SOBP: variants seen among roughly 807,000 people sequenced by gnomAD.
The protein encoded by SOBP is sine oculis-binding protein homolog.
SOBP carries 4 observed loss-of-function variants against 53.6 expected under a neutral mutation model. The observed-to-expected ratio is 0.07, with a 90% CI of 0.04 to 0.17. The LOEUF (loss-of-function observed/expected upper bound fraction) is 0.17, where lower values mean the gene tolerates loss of function less well. Ranked by LOEUF, SOBP falls within the 10% of genes least tolerant of loss-of-function variation. The pLI, the probability that SOBP is intolerant of heterozygous loss-of-function variation, is 1.00. For synonymous variants in SOBP, 584 were observed against 522.6 expected (o/e 1.12, Z -1.60); for missense variants, 1,088 against 1,204.7 (o/e 0.90, Z 1.43).
chr6:107,597,520 TAAAC>T (rs1785990151), intron 5 of SOBP, among the ~76,000 whole-genome samples: 1 of 152,128 alleles, frequency 6.6e-6, no homozygotes, highest in Non-Finnish European at 1.5e-5. Flanking sequence ...AAAAGGAAAA[TAAAC>T]AAGCATTACT....
In SOBP at chr6:107,634,965, C is replaced by G. The variant is rs1770949527; in HGVS notation, c.2121C>G (p.Gly707=). The change falls in exon 6 of 7, where the codon GGC becomes GGG. Residue 707 remains glycine, a synonymous_variant. Coordinates refer to ENST00000317357, the MANE Select transcript of SOBP (RefSeq NM_018013.4). This position sits in a 1 kb window ranked among gnomAD's most constrained non-coding sequence, Gnocchi z 4.5. The part of the protein sequence containing the change: ...HCSPPAAGDP[G]PGAPAGPEAA... ...GCCCGCCCGCCGCCGGCGACCCAGG[C>G]CCGGGCGCCCCGGCGGGCCCCGAGG... 9.8e-7 allele frequency: 1 copy of G among 1,015,656 alleles called. No individual in the cohort carries two copies. The allele number at this position is 1,015,656 out of a possible 1,614,324, so 62.9% of individuals were successfully genotyped here. A position where few individuals can be genotyped will look rare whatever the true frequency, so the allele number is the denominator to read the frequency against.
In SOBP at chr6:107,633,690, C is replaced by T; in HGVS notation, c.846C>T (p.Pro282=). ...PAGLCSTLHP[P]MENKAEGTGV... Reference sequence around the variant, plus strand: ...GGCTGTGCAGCACATTACACCCTCCCATGGAAAATAAAGCAGAAGGCACCG... The same window carrying T: ...GGCTGTGCAGCACATTACACCCTCCTATGGAAAATAAAGCAGAAGGCACCG... Residue 282 remains proline (P), a synonymous_variant, in exon 6 of 7, where the codon CCC becomes CCT. Coordinates refer to ENST00000317357, the MANE Select transcript of SOBP (RefSeq NM_018013.4). 1 of 1,614,246 alleles carries T rather than the reference C, an allele frequency of 6.2e-7. No individual in the cohort carries two copies. Among genetic ancestry groups the T allele is most frequent in the Non-Finnish European group, 8.5e-7 (1 of 1,180,052 alleles).
At chr6:107,490,742 C>G (rs762751918) in intron 1 of SOBP, 30 bp downstream of exon 1, 124 of 1,518,600 alleles carry the variant, frequency 8.2e-5, no homozygotes, top group Admixed American at 3.0e-4. Context: ...GCCAGGGAGA[C>G]TGAGCTCTTT....
At chr6:107,522,823 C>G (rs1357344849) in intron 3 of SOBP, among the ~76,000 whole-genome samples, 2 of 152,098 alleles carry the variant, frequency 1.3e-5, no homozygotes, top group Non-Finnish European at 2.9e-5. Context: ...GGATTACAAG[C>G]ATGAGCCACC....
rs772325609 is a variant in SOBP at position 107,634,450 on chromosome 6, C to T, written c.1606C>T (p.Pro536Ser). The change falls in exon 6 of 7, where the codon CCC (proline) becomes TCC (serine). Residue 536 changes from proline to serine, a missense_variant. By Grantham distance (74) the Pro-to-Ser change is moderately conservative (BLOSUM62 -1). Around this residue, in one of 6 missense-constraint regions of SOBP, gnomAD observed 665 missense variants for 629.7 expected, o/e 1.06. Coordinates refer to ENST00000317357, the MANE Select transcript of SOBP (RefSeq NM_018013.4). The surrounding 1 kb of genome is among the most constrained non-coding windows in gnomAD (Gnocchi z 4.5). ...PYPVIVPLPVPIPIPIPIPHV... is the reference protein window; with the variant it reads ...PYPVIVPLPVSIPIPIPIPHV... ...CCCCGTGATCGTGCCCCTACCGGTGCCCATCCCCATCCCCATCCCTATCCC... is the reference window on the plus strand; with the variant it reads ...CCCCGTGATCGTGCCCCTACCGGTGTCCATCCCCATCCCCATCCCTATCCC... 1.2e-6 allele frequency: 2 copies of T among 1,609,538 alleles called. No individual in the cohort carries two copies. The highest frequency in any genetic ancestry group is 1.3e-5 in the African/African-American group (1 of 75,008).
rs140986619 is a variant in SOBP at position 107,655,136 on chromosome 6, G to A, written c.*4-3071G>A. Among the ~76,000 whole-genome samples, 283 of 152,014 alleles carry A rather than the reference G, an allele frequency of 1.9e-3. 1 individual carries two copies. Among genetic ancestry groups the A allele is most frequent in the African/African-American group, 6.4e-3 (265 of 41,448 alleles). The stretch of plus-strand genomic sequence containing the variant: ...TTTAGACATGGAGGACAGTTTTTTC[G>A]TAAGATTCTTCTGCTTGGCAAGGAC... On this transcript the variant is annotated intron_variant, in intron 6 of 6. Coordinates refer to ENST00000317357, the MANE Select transcript of SOBP (RefSeq NM_018013.4).
At chr6:107,654,303 A>C (rs1771924931) in intron 6 of SOBP, among the ~76,000 whole-genome samples, 1 of 152,210 alleles carries the variant, frequency 6.6e-6, no homozygotes, top group South Asian at 2.1e-4. Flanking sequence ...TGTGTGTCTG[A>C]TGCTTCATGT....
intron 3 of SOBP, among the ~76,000 whole-genome samples, chr6:107,526,940 A>G (rs1163047563): frequency 1.3e-5 from 2 of 152,208 alleles, no homozygotes; most frequent in East Asian, 1.9e-4. Flanking sequence ...AATAACTTCA[A>G]ATCTATTTAT....
intron 4 of SOBP, among the ~76,000 whole-genome samples, chr6:107,536,138 G>T (rs972155293): frequency 5.3e-5 from 8 of 151,996 alleles, no homozygotes; most frequent in African/African-American, 1.9e-4. Flanking sequence ...GTATAGTGTA[G>T]ACTTAAAAAA....
intron 3 of SOBP, among the ~76,000 whole-genome samples, chr6:107,512,562 G>A (rs1209324379): frequency 2.0e-5 from 3 of 152,232 alleles, no homozygotes; most frequent in Non-Finnish European, 4.4e-5. Flanking sequence ...GCCCTTGGCT[G>A]CATTGACTGG....
At chr6:107,535,544 C>T (rs1423211893) in intron 4 of SOBP, among the ~76,000 whole-genome samples, 3 of 151,974 alleles carry the variant, frequency 2.0e-5, no homozygotes, top group East Asian at 1.9e-4. Context: ...AGTGTACAAA[C>T]AATTCCTCCC....
chr6:107,568,115 A>T (rs1784969501), intron 4 of SOBP, among the ~76,000 whole-genome samples: 1 of 152,224 alleles, frequency 6.6e-6, no homozygotes, highest in African/African-American at 2.4e-5. Context: ...AGTAACAATG[A>T]TCACACACTA....
At chr6:107,517,014 T>A (rs1783340874) in intron 3 of SOBP, among the ~76,000 whole-genome samples, 1 of 151,974 alleles carries the variant, frequency 6.6e-6, no homozygotes, top group Non-Finnish European at 1.5e-5. Flanking sequence ...TAAAAAGTTG[T>A]TTTTTAAAAT....
intron 4 of SOBP, among the ~76,000 whole-genome samples, chr6:107,568,932 A>G (rs1175392345): frequency 2.6e-5 from 4 of 152,094 alleles, no homozygotes; most frequent in African/African-American, 9.7e-5. Context: ...TTATTAACGT[A>G]TATAAGGCTA....
chr6:107,510,401 C>G (rs565761924), intron 3 of SOBP: 2 of 152,224 alleles, frequency 1.3e-5, no homozygotes, highest in African/African-American at 4.8e-5. Context: ...ACAGCAAGGG[C>G]AGGAAAATAG....
intron 4 of SOBP, among the ~76,000 whole-genome samples, chr6:107,558,625 A>G (rs746020687): frequency 9.9e-5 from 15 of 152,014 alleles, no homozygotes; most frequent in Non-Finnish European, 2.1e-4. Flanking sequence ...CTCCTCTGTC[A>G]TAAATCCTCT....
intron 5 of SOBP, among the ~76,000 whole-genome samples, chr6:107,587,392 T>C (rs1292307749): frequency 6.6e-6 from 1 of 152,232 alleles, no homozygotes; most frequent in Admixed American, 6.5e-5. Flanking sequence ...AATGGCCCTG[T>C]CTTTATTAGC....
intron 4 of SOBP, among the ~76,000 whole-genome samples, chr6:107,573,403 A>G (rs1003847051): frequency 2.6e-5 from 4 of 152,076 alleles, no homozygotes; most frequent in Admixed American, 2.6e-4. Flanking sequence ...AATTTAAGTA[A>G]CTGTCATATA....
At chr6:107,565,730 GAAAAATCAAAATGA>G (rs1784898297) in intron 4 of SOBP, among the ~76,000 whole-genome samples, 1 of 152,220 alleles carries the variant, frequency 6.6e-6, no homozygotes, top group Admixed American at 6.5e-5. Flanking sequence ...CAGAAGGACT[GAAAAATCAAAATGA>G]ACCTAAAAGT....
Sources: allele counts gnomAD v4.1 joint callset (sites outside exome capture counted in the v4.1 genomes callset), GRCh38; gene constraint gnomAD v4.1.1; regional missense constraint gnomAD v4.1.1; non-coding constraint Gnocchi (gnomAD v3.1); transcripts MANE v1.5; gene names NCBI Gene and HGNC (gene_info 2026-07-23, HGNC 2026-07-21).